MKNK1: variants seen among roughly 807,000 people sequenced by gnomAD.
MKNK1 encodes the protein MAP kinase-interacting serine/threonine-protein kinase 1.
In MKNK1, 30 loss-of-function variants were observed where a neutral mutation model predicts 49.3. The observed-to-expected ratio is 0.61, with a 90% CI of 0.46 to 0.83. MKNK1 has a LOEUF of 0.83. Ranked by LOEUF, MKNK1 falls within the 40% of genes least tolerant of loss-of-function variation. The pLI, the probability that MKNK1 is intolerant of heterozygous loss-of-function variation, is 0.00. For synonymous variants in MKNK1, 176 were observed against 201.7 expected (o/e 0.87, Z 1.08); for missense variants, 423 against 524.7 (o/e 0.81, Z 1.89).
chr1:46,583,113 A>C, intron 3 of MKNK1, 115 bp downstream of exon 3: 1 of 794,568 alleles, frequency 1.3e-6, no homozygotes. Context: ...CCACACAGAT[A>C]ACCACCATCT....
chr1:46,572,003 C>T, intron 7 of MKNK1, 60 bp downstream of exon 7: 1 of 1,503,372 alleles, frequency 6.7e-7, no homozygotes, highest in Non-Finnish European at 9.3e-7. Flanking sequence ...CCTACCACCT[C>T]CCTTGGTACC....
chr1:46,582,804 C>T (rs1231343339), intron 3 of MKNK1: 1 of 449,782 alleles, frequency 2.2e-6, no homozygotes, highest in East Asian at 6.9e-5. Context: ...GAGACAAATT[C>T]TCTGCTTACA....
At chr1:46,591,299 C>T (rs1673300607) in intron 2 of MKNK1, among the ~76,000 whole-genome samples, 1 of 152,158 alleles carries the variant, frequency 6.6e-6, no homozygotes, top group African/African-American at 2.4e-5. Context: ...CAGGTGGCAG[C>T]ATTTCACTCC....
At position 46,579,297 on chromosome 1, in the gene MKNK1, G is replaced by A. The variant is rs540465747; in HGVS notation, c.198+1233C>T. ...ACTGGGCTGGGATTGCCAATGTGAGGTGGCATTTGACCTGGTGGCTCAGGT... is the reference window on the plus strand; with the variant it reads ...ACTGGGCTGGGATTGCCAATGTGAGATGGCATTTGACCTGGTGGCTCAGGT... On this transcript the variant is annotated intron_variant, in intron 4 of 12. Coordinates refer to ENST00000371945, the MANE Select transcript of MKNK1 (RefSeq NM_001135553.4). 3.3e-5 allele frequency among the ~76,000 whole-genome samples: 5 copies of A among 152,290 alleles called. No homozygotes were observed. In the South Asian group the frequency reaches 1.0e-3, roughly 32 times the overall value.
At chr1:46,571,815 C>G (rs1670201939) in intron 7 of MKNK1, among the ~76,000 whole-genome samples, 1 of 152,188 alleles carries the variant, frequency 6.6e-6, no homozygotes, top group South Asian at 2.1e-4. Context: ...TCTTTCTCCT[C>G]CCTGCTCTTT....
intron 10 of MKNK1, 118 bp downstream of exon 10, chr1:46,562,531 G>A (rs1668202062): frequency 2.6e-6 from 3 of 1,169,366 alleles, no homozygotes; most frequent in Non-Finnish European, 3.5e-6. Flanking sequence ...AGCGGGAGAG[G>A]GCACTATGAG....
chr1:46,562,557 G>A (rs1356533772), intron 10 of MKNK1, 92 bp downstream of exon 10: 2 of 1,397,946 alleles, frequency 1.4e-6, no homozygotes, highest in Non-Finnish European at 9.6e-7. Flanking sequence ...ATCCCGATCA[G>A]GAACGCTCTC....
chr1:46,558,914 A>G, intron 12 of MKNK1, 114 bp from the exon 13 acceptor site: 1 of 883,306 alleles, frequency 1.1e-6, no homozygotes. Flanking sequence ...CAGATTTCCC[A>G]GAGCTGGGAC....
At chr1:46,584,095 T>C (rs1672152062) in intron 2 of MKNK1, among the ~76,000 whole-genome samples, 4 of 152,184 alleles carry the variant, frequency 2.6e-5, no homozygotes, top group Non-Finnish European at 5.9e-5. Context: ...GGAGGATTTG[T>C]GAGGCAGGCA....
At chr1:46,568,574 T>C in intron 7 of MKNK1, 76 bp from the exon 8 acceptor site, 1 of 1,416,312 alleles carries the variant, frequency 7.1e-7, no homozygotes. Flanking sequence ...ATTAATTTTT[T>C]CCAAATGCTG....
At chr1:46,581,103 G>T (rs1483213725) in intron 3 of MKNK1, among the ~76,000 whole-genome samples, 2 of 152,018 alleles carry the variant, frequency 1.3e-5, no homozygotes, top group Admixed American at 6.6e-5. Flanking sequence ...TCGCAGTCCA[G>T]TGGGGAAGAC....
intron 4 of MKNK1, among the ~76,000 whole-genome samples, chr1:46,578,003 CTGTT>C (rs998300487): frequency 1.3e-5 from 2 of 152,250 alleles, no homozygotes; most frequent in Non-Finnish European, 2.9e-5. Context: ...ATAAGTGTGT[CTGTT>C]TGTAAACCAC....
chr1:46,565,004 C>A, intron 9 of MKNK1, 37 bp downstream of exon 9: 1 of 1,595,350 alleles, frequency 6.3e-7, no homozygotes, highest in Non-Finnish European at 8.6e-7. Flanking sequence ...CAGGGAAACA[C>A]TCCAAATACT....
chr1:46,561,708 T>C, intron 10 of MKNK1, 66 bp from the exon 11 acceptor site: 2 of 1,564,826 alleles, frequency 1.3e-6, no homozygotes, highest in Middle Eastern at 3.4e-4. Context: ...CTGTCATTGT[T>C]TTGATCAACC....
intron 7 of MKNK1, among the ~76,000 whole-genome samples, chr1:46,570,582 ATG>A (rs1669932939): frequency 6.6e-6 from 1 of 152,196 alleles, no homozygotes; most frequent in African/African-American, 2.4e-5. Context: ...ACCAGGTGGG[ATG>A]TGTGAGTGGC....
intron 2 of MKNK1, among the ~76,000 whole-genome samples, chr1:46,584,115 T>C (rs1672153716): frequency 6.6e-6 from 1 of 152,180 alleles, no homozygotes; most frequent in Non-Finnish European, 1.5e-5. Flanking sequence ...ATTCAGACAC[T>C]GCACAGATTG....
chr1:46,565,866 C>T (rs150878369), intron 8 of MKNK1, among the ~76,000 whole-genome samples: 68 of 152,324 alleles, frequency 4.5e-4, no homozygotes, highest in East Asian at 2.3e-3. Context: ...CATGTCCTTG[C>T]CGGGAAGCCT....
chr1:46,600,071 TA>T (rs1674545185), intron 1 of MKNK1, among the ~76,000 whole-genome samples: 1 of 152,284 alleles, frequency 6.6e-6, no homozygotes, highest in South Asian at 2.1e-4. Context: ...CTCCCAGGAA[TA>T]AACTCCCTCC....
chr1:46,563,037 T>C (rs1478728531), intron 9 of MKNK1, 194 bp from the exon 10 acceptor site: 1 of 553,820 alleles, frequency 1.8e-6, no homozygotes, highest in African/African-American at 1.9e-5. Context: ...TCCATCATTT[T>C]CCATCATCCA....
Sources: gnomAD v4.1 joint callset for allele counts (sites outside exome capture counted in the v4.1 genomes callset) on GRCh38, gnomAD v4.1.1 for gene constraint, MANE v1.5 for transcripts, NCBI Gene and HGNC (gene_info 2026-07-23, HGNC 2026-07-21) for gene names.